Variants in MAML1 observed in about 807,000 individuals in gnomAD.
MAML1 encodes mastermind like transcriptional coactivator 1, also known as mastermind-like protein 1.
MAML1 carries 14 observed loss-of-function variants against 77.1 expected under a neutral mutation model. The observed-to-expected ratio is 0.18, with a 90% CI of 0.12 to 0.28. The LOEUF is 0.28. Ranked by LOEUF, MAML1 falls within the 10% of genes least tolerant of loss-of-function variation. MAML1 has a pLI of 1.00. For synonymous variants in MAML1, 516 were observed against 551.9 expected, an observed-to-expected ratio of 0.93 and a Z score of 0.91; for missense variants, 1,217 against 1,327.8, an observed-to-expected ratio of 0.92 and a Z score of 1.30.
chr5:179,768,885 G>C lies in MAML1; in HGVS notation c.1767G>C (p.Gln589His). Residue 589 changes from glutamine (Q) to histidine (H), a missense_variant, in exon 3 of 5, where the codon CAG (glutamine) becomes CAC (histidine). Gln to His is a conservative substitution (Grantham distance 24, BLOSUM62 0). Coordinates refer to ENST00000292599, the MANE Select transcript of MAML1 (RefSeq NM_014757.5). ...CTTCCAGTGTCCCTGTGCAAGCCCA[G>C]GCTACCAGTGTTGGGACCCAGCCGC... ...QNPSSVPVQAQATSVGTQPPA... is the reference protein window; with the variant it reads ...QNPSSVPVQAHATSVGTQPPA... The C allele has an allele frequency of 5.6e-6, 9 of 1,614,196 alleles. No individual in the cohort carries two copies. Among genetic ancestry groups the C allele is most frequent in the Non-Finnish European group, 7.6e-6 (9 of 1,180,040 alleles).
At position 179,733,074 on chromosome 5, in the gene MAML1, AGGCCCGGCCCCG is replaced by A. The variant is rs1479853775; in HGVS notation, c.-28_-17del. The A allele has an allele frequency of 2.0e-5, 24 of 1,210,384 alleles. 1 individual carries two copies. The highest frequency in any genetic ancestry group is 8.8e-5 in the Admixed American group (2 of 22,618). 75.0% of individuals were successfully genotyped at this position (1,210,384 alleles called of 1,614,324 possible). A position where few individuals can be genotyped will look rare whatever the true frequency, so the allele number is the denominator to read the frequency against. On this transcript the variant is annotated 5_prime_UTR_variant, in exon 1 of 5. Coordinates refer to ENST00000292599, the MANE Select transcript of MAML1 (RefSeq NM_014757.5). ...GCCCGCAGTGCCAGCCGGCCCCGAG[AGGCCCGGCCCCG>A]GGCCCGGCCCGTGCAGCCCGCGGCC...
At chr5:179,740,675 G>C (rs1375458071) in intron 1 of MAML1, among the ~76,000 whole-genome samples, 1 of 152,094 alleles carries the variant, frequency 6.6e-6, no homozygotes, top group Non-Finnish European at 1.5e-5. Context: ...TAGCTCTCTA[G>C]ATGCCAGGGC....
chr5:179,755,273 C>T (rs186028707), intron 1 of MAML1, among the ~76,000 whole-genome samples: 1 of 152,254 alleles, frequency 6.6e-6, no homozygotes, highest in African/African-American at 2.4e-5. Flanking sequence ...GAGAGCGAGC[C>T]TGGGAAACAA....
chr5:179,750,621 C>T (rs1459144087), intron 1 of MAML1, among the ~76,000 whole-genome samples: 6 of 151,996 alleles, frequency 3.9e-5, no homozygotes, highest in African/African-American at 9.6e-5. Flanking sequence ...CCACCATGTC[C>T]GGCTAATTAT....
At chr5:179,772,311 C>G (rs1344359114) in intron 4 of MAML1, among the ~76,000 whole-genome samples, 4 of 152,038 alleles carry the variant, frequency 2.6e-5, no homozygotes, top group Admixed American at 6.6e-5. Flanking sequence ...TAGAGATGGG[C>G]TTTCACCATG....
In MAML1 at chr5:179,768,723, T is replaced by G. The variant is rs75316154; in HGVS notation, c.1732-127T>G. 1.5e-3 allele frequency: 1,801 copies of G among 1,224,404 alleles called. 39 individuals are homozygous for G. The East Asian group carries it at 0.04, about 27-fold the overall frequency. The allele number at this position is 1,224,404 out of a possible 1,614,324, so 75.8% of individuals were successfully genotyped here. ...CTGTGCTCCAGCCCTGTGGGATGGT[T>G]GTTATTCGAGGTCAGAAGGGAAGCA... On this transcript the variant is annotated intron_variant, in intron 2 of 4. Coordinates refer to ENST00000292599, the MANE Select transcript of MAML1 (RefSeq NM_014757.5).
Position 179,776,525 on chromosome 5 carries a change from G to T in MAML1, c.*1648G>T, listed in dbSNP as rs1275156975. ...AAAACACCTTCCCTACCTTTCCCAT[G>T]TACTCAGTTTAGCTCTCAAAGAAGG... On this transcript the variant is annotated 3_prime_UTR_variant, in exon 5 of 5. Transcript: ENST00000292599. The T allele has an allele frequency of 7.1e-6, 7 of 985,678 alleles. No individual in the cohort carries two copies. In the East Asian group the frequency reaches 6.8e-4, roughly 96 times the overall value. The allele number at this position is 985,678 out of a possible 1,614,324, so 61.1% of individuals were successfully genotyped here. A position where few individuals can be genotyped will look rare whatever the true frequency, so the allele number is the denominator to read the frequency against.
intron 1 of MAML1, among the ~76,000 whole-genome samples, chr5:179,758,317 A>G (rs1355846096): frequency 6.6e-6 from 1 of 152,016 alleles, no homozygotes; most frequent in Non-Finnish European, 1.5e-5. Flanking sequence ...AAGACAAATA[A>G]TGTCTTTAAA....
chr5:179,767,043 G>A (rs983620125), intron 2 of MAML1, among the ~76,000 whole-genome samples: 4 of 151,098 alleles, frequency 2.6e-5, no homozygotes, highest in African/African-American at 7.3e-5. Context: ...AGTAATTTGC[G>A]ACTGTGTTTT....
chr5:179,744,170 GA>G (rs1779337200), intron 1 of MAML1, among the ~76,000 whole-genome samples: 1 of 152,128 alleles, frequency 6.6e-6, no homozygotes, highest in Non-Finnish European at 1.5e-5. Flanking sequence ...GCAACAAAAA[GA>G]GGTATAAAAA....
chr5:179,749,327 C>T (rs182685580), intron 1 of MAML1, among the ~76,000 whole-genome samples: 91 of 152,268 alleles, frequency 6.0e-4, no homozygotes, highest in African/African-American at 1.8e-3. Flanking sequence ...GATTTCTCCA[C>T]GTTGGTCAGG....
In MAML1 at chr5:179,733,087, G is replaced by GGCCCGGCCCCGT. The variant is rs1779096719; in HGVS notation, c.-17_-16insCGTGCCCGGCCC. 2 of 1,331,210 alleles carry GGCCCGGCCCCGT rather than the reference G, an allele frequency of 1.5e-6. No individual in the cohort carries two copies. Among genetic ancestry groups the GGCCCGGCCCCGT allele is most frequent in the Admixed American group, 7.8e-5 (2 of 25,570 alleles). The allele number at this position is 1,331,210 out of a possible 1,614,324, so 82.5% of individuals were successfully genotyped here. A position where few individuals can be genotyped will look rare whatever the true frequency, so the allele number is the denominator to read the frequency against. On this transcript the variant is annotated 5_prime_UTR_variant, in exon 1 of 5. Coordinates refer to ENST00000292599, the MANE Select transcript of MAML1 (RefSeq NM_014757.5). ...GCCGGCCCCGAGAGGCCCGGCCCCG[G>GGCCCGGCCCCGT]GCCCGGCCCGTGCAGCCCGCGGCCC...
At position 179,777,148 on chromosome 5, in the gene MAML1, T is replaced by C. The variant is rs1756151727; in HGVS notation, c.*2271T>C. 9.1e-6 allele frequency: 9 copies of C among 985,356 alleles called. No homozygotes were observed. Among genetic ancestry groups the C allele is most frequent in the Non-Finnish European group, 1.1e-5 (9 of 829,498 alleles). 61.0% of individuals were successfully genotyped at this position (985,356 alleles called of 1,614,324 possible). A position where few individuals can be genotyped will look rare whatever the true frequency, so the allele number is the denominator to read the frequency against. ...ACGGTTGGTATTGTTAACTTTTTATTGTCATCAAAAGTTCATAAAAGTCCT... is the reference window on the plus strand; with the variant it reads ...ACGGTTGGTATTGTTAACTTTTTATCGTCATCAAAAGTTCATAAAAGTCCT... On this transcript the variant is annotated 3_prime_UTR_variant, in exon 5 of 5. Coordinates refer to ENST00000292599, the MANE Select transcript of MAML1 (RefSeq NM_014757.5).
At chr5:179,753,651 A>ATTTTTTTTTT (rs372124056) in intron 1 of MAML1, among the ~76,000 whole-genome samples, 4 of 66,384 alleles carry the variant, frequency 6.0e-5, no homozygotes, top group South Asian at 5.2e-4. Flanking sequence ...TATTATTATT[A>ATTTTTTTTTT]TTATTTTTTT....
At position 179,766,313 on chromosome 5, in the gene MAML1, C is replaced by A; in HGVS notation, c.1303C>A (p.Pro435Thr). 2 of 1,611,130 alleles carry A rather than the reference C, an allele frequency of 1.2e-6. No individual in the cohort carries two copies. Among genetic ancestry groups the A allele is most frequent in the South Asian group, 1.1e-5 (1 of 90,632 alleles). The change falls in exon 2 of 5, where the codon CCC (proline) becomes ACC (threonine). Residue 435 changes from proline to threonine, a missense_variant. Around this residue, in one of 3 missense-constraint regions of MAML1, gnomAD observed 884 missense variants for 949.3 expected, o/e 0.93. Transcript: ENST00000292599. The surrounding 1 kb of genome is among the most constrained non-coding windows in gnomAD (Gnocchi z 4.0). ...GQMSTWQQTG[P>T]SHSSLDVPYP... ...GATGTCCACATGGCAGCAGACGGGG[C>A]CCTCCCACAGTTCCTTAGATGTCCC... is the stretch of plus-strand genomic sequence containing the variant.
chr5:179,747,605 T>G (rs746722838), intron 1 of MAML1, among the ~76,000 whole-genome samples: 2 of 151,964 alleles, frequency 1.3e-5, no homozygotes, highest in Non-Finnish European at 1.5e-5. Flanking sequence ...GGTCAGGAGA[T>G]CGAGACCATC....
chr5:179,766,312 G>T lies in MAML1; in HGVS notation c.1302G>T (p.Gly434=). 2 of 1,611,588 alleles carry T rather than the reference G, an allele frequency of 1.2e-6. No individual in the cohort carries two copies. The highest frequency in any genetic ancestry group is 1.7e-6 in the Non-Finnish European group (2 of 1,178,756). ...AGATGTCCACATGGCAGCAGACGGGGCCCTCCCACAGTTCCTTAGATGTCC... is the reference window on the plus strand; with the variant it reads ...AGATGTCCACATGGCAGCAGACGGGTCCCTCCCACAGTTCCTTAGATGTCC... ...PGQMSTWQQT[G]PSHSSLDVPY... is the part of the protein sequence containing the mutation. The change falls in exon 2 of 5, where the codon GGG becomes GGT. Residue 434 remains glycine, a synonymous_variant. Coordinates refer to ENST00000292599, the MANE Select transcript of MAML1 (RefSeq NM_014757.5). The surrounding 1 kb of genome is among the most constrained non-coding windows in gnomAD (Gnocchi z 4.0).
intron 1 of MAML1, among the ~76,000 whole-genome samples, chr5:179,734,254 T>C (rs771552547): frequency 1.7e-4 from 26 of 152,360 alleles, no homozygotes; most frequent in Non-Finnish European, 3.5e-4. Context: ...TTATGTGTAT[T>C]TTTAAATTCA....
intron 4 of MAML1, among the ~76,000 whole-genome samples, chr5:179,773,034 G>C (rs547363275): frequency 6.6e-6 from 1 of 152,196 alleles, no homozygotes; most frequent in Non-Finnish European, 1.5e-5. Flanking sequence ...GGGGGCGCGC[G>C]CCGCCACGCC....
Sources: gnomAD v4.1 joint callset for allele counts (sites outside exome capture counted in the v4.1 genomes callset) on GRCh38, gnomAD v4.1.1 for gene constraint, gnomAD v4.1.1 regional missense constraint, Gnocchi (gnomAD v3.1) non-coding constraint, MANE v1.5 for transcripts, NCBI Gene and HGNC (gene_info 2026-07-23, HGNC 2026-07-21) for gene names.